AGBL4: variants seen among roughly 807,000 people sequenced by gnomAD.
The protein encoded by AGBL4 is AGBL carboxypeptidase 4, also known as cytosolic carboxypeptidase 6.
AGBL4 carries 58 observed loss-of-function variants against 66.4 expected under a neutral mutation model. The observed-to-expected ratio is 0.87, with a 90% CI of 0.71 to 1.09. The LOEUF (loss-of-function observed/expected upper bound fraction) is 1.09, where lower values mean the gene tolerates loss of function less well. Among genes scored for constraint, AGBL4 ranks in the 50% least tolerant of loss-of-function variants. AGBL4 has a pLI of 0.00. For missense variants in AGBL4, 579 were observed against 631.0 expected (o/e 0.92, Z 0.88); for synonymous variants, 234 against 222.9 (o/e 1.05, Z -0.44).
chr1:49,416,657 G>A (rs942793631), intron 3 of AGBL4, among the ~76,000 whole-genome samples: 1 of 152,018 alleles, frequency 6.6e-6, no homozygotes, highest in Non-Finnish European at 1.5e-5. Context: ...GCTTCTCTGA[G>A]CTCGAATTTC....
chr1:48,763,207 C>T (rs1644364805), intron 6 of AGBL4, among the ~76,000 whole-genome samples: 2 of 152,154 alleles, frequency 1.3e-5, no homozygotes, highest in Admixed American at 6.5e-5. Flanking sequence ...GTTAATAACC[C>T]CTACTGATGA....
At chr1:49,864,773 T>A (rs1646661186) in intron 1 of AGBL4, among the ~76,000 whole-genome samples, 1 of 152,126 alleles carries the variant, frequency 6.6e-6, no homozygotes, top group Non-Finnish European at 1.5e-5. Context: ...AATTATCAAG[T>A]TCCTGGAGAA....
In AGBL4 at chr1:49,390,424, G is replaced by T. The variant is rs377681521; in HGVS notation, c.283-144560C>A. Among the ~76,000 whole-genome samples the T allele has an allele frequency of 3.3e-4, 51 of 152,308 alleles. 1 individual carries two copies. The South Asian group carries it at 9.7e-3, about 29-fold the overall frequency. ...CCTAAGAACAATGGATTACAGGGCT[G>T]CTGGAAAACTTCACTAATAATGAAG... is the stretch of plus-strand genomic sequence containing the variant. On this transcript the variant is annotated intron_variant, in intron 3 of 13. Transcript: ENST00000371839.
chr1:49,033,770 G>A (rs779800487), intron 5 of AGBL4, among the ~76,000 whole-genome samples: 63 of 150,278 alleles, frequency 4.2e-4, no homozygotes, highest in Non-Finnish European at 6.8e-4. Flanking sequence ...ATTATATCAT[G>A]TTCTCCATTC....
chr1:48,549,951 T>G lies in AGBL4; in HGVS notation c.1268-10213A>C, dbSNP rs146447785. 1.5e-4 allele frequency among the ~76,000 whole-genome samples: 23 copies of G among 151,948 alleles called. No individual in the cohort carries two copies. The East Asian group carries it at 4.3e-3, about 28-fold the overall frequency. On this transcript the variant is annotated intron_variant, in intron 11 of 13. Transcript: ENST00000371839. ...TAGAGACAGGAACAGTGAGAGAGAC[T>G]GAGAAGGACTGAGAGAAGAAGGTGG...
At chr1:48,715,868 G>A (rs1473197737) in intron 6 of AGBL4, among the ~76,000 whole-genome samples, 2 of 152,098 alleles carry the variant, frequency 1.3e-5, no homozygotes, top group Non-Finnish European at 2.9e-5. Context: ...TTTGAGCTGT[G>A]CCTCTACTCT....
At chr1:49,453,440 A>G (rs925729005) in intron 3 of AGBL4, among the ~76,000 whole-genome samples, 4 of 151,770 alleles carry the variant, frequency 2.6e-5, no homozygotes, top group Non-Finnish European at 5.9e-5. Flanking sequence ...TTCCAGAAAT[A>G]TTCCTAAATA....
intron 3 of AGBL4, among the ~76,000 whole-genome samples, chr1:49,550,537 CTG>C: frequency 6.6e-6 from 1 of 152,278 alleles, no homozygotes; most frequent in African/African-American, 2.4e-5. Flanking sequence ...CTGAAAAAGA[CTG>C]TATCTTTCCT....
intron 5 of AGBL4, among the ~76,000 whole-genome samples, chr1:49,034,338 T>C (rs1664467683): frequency 6.6e-6 from 1 of 152,126 alleles, no homozygotes; most frequent in African/African-American, 2.4e-5. Flanking sequence ...AAATCTTGTT[T>C]CACATACATG....
chr1:49,578,407 G>A (rs1209596269), intron 3 of AGBL4, among the ~76,000 whole-genome samples: 2 of 151,788 alleles, frequency 1.3e-5, no homozygotes, highest in Admixed American at 1.3e-4. Context: ...ACTCCACCAG[G>A]AAAAAAAACC....
In AGBL4 at chr1:49,028,979, G is replaced by C. The variant is rs555535429; in HGVS notation, c.594+16605C>G. 2.6e-5 allele frequency among the ~76,000 whole-genome samples: 4 copies of C among 152,130 alleles called. No individual in the cohort carries two copies. The South Asian group carries it at 6.2e-4, about 24-fold the overall frequency. On this transcript the variant is annotated intron_variant, in intron 5 of 13. Coordinates refer to ENST00000371839, the MANE Select transcript of AGBL4 (RefSeq NM_032785.4). ...CAATAACCACATGATCATTTCAATAGACACAGAAAAATCATTTGATACAAT... is the reference window on the plus strand; with the variant it reads ...CAATAACCACATGATCATTTCAATACACACAGAAAAATCATTTGATACAAT...
chr1:49,718,761 T>C (rs1648361088), intron 2 of AGBL4, among the ~76,000 whole-genome samples: 1 of 152,090 alleles, frequency 6.6e-6, no homozygotes, highest in Admixed American at 6.6e-5. Flanking sequence ...TTTGTCTGTA[T>C]TTTCTTCTTT....
chr1:49,688,420 T>G (rs1646825964), intron 3 of AGBL4, among the ~76,000 whole-genome samples: 2 of 152,232 alleles, frequency 1.3e-5, no homozygotes, highest in African/African-American at 4.8e-5. Context: ...TCGTTCTTTT[T>G]TATGGCTGAA....
intron 4 of AGBL4, among the ~76,000 whole-genome samples, chr1:49,056,881 A>G (rs1177565514): frequency 6.6e-6 from 1 of 151,924 alleles, no homozygotes; most frequent in Non-Finnish European, 1.5e-5. Flanking sequence ...AATGGTATCA[A>G]TTTTTTTTGG....
chr1:48,937,322 T>C (rs1276514559), intron 5 of AGBL4, among the ~76,000 whole-genome samples: 1 of 152,212 alleles, frequency 6.6e-6, no homozygotes, highest in Non-Finnish European at 1.5e-5. Flanking sequence ...GTGGGAGTTA[T>C]TATTATAATA....
At chr1:48,843,428 T>A (rs11800380) in intron 6 of AGBL4, among the ~76,000 whole-genome samples, 4,094 of 152,228 alleles carry the variant, frequency 0.027, 189 homozygotes, top group African/African-American at 0.093. Context: ...TTGTTTTTAA[T>A]AGAAATCAGC....
chr1:48,727,783 C>G (rs999951604), intron 6 of AGBL4: 4 of 1,161,020 alleles, frequency 3.4e-6, no homozygotes, highest in Non-Finnish European at 5.0e-6. Flanking sequence ...GATCCCTGCA[C>G]ACACACCACC....
At chr1:48,609,808 C>G (rs1038308160) in intron 9 of AGBL4, among the ~76,000 whole-genome samples, 6 of 152,170 alleles carry the variant, frequency 3.9e-5, no homozygotes, top group African/African-American at 1.4e-4. Flanking sequence ...CTGGCCAACT[C>G]CTATTTATCC....
chr1:49,949,809 CTAAAAG>C (rs1557611242), intron 1 of AGBL4, among the ~76,000 whole-genome samples: 1 of 151,464 alleles, frequency 6.6e-6, no homozygotes, highest in Non-Finnish European at 1.5e-5. Context: ...CCTTAAAGAA[CTAAAAG>C]TAAAACTACC....
Sources: allele counts gnomAD v4.1 joint callset (sites outside exome capture counted in the v4.1 genomes callset), GRCh38; gene constraint gnomAD v4.1.1; transcripts MANE v1.5; gene names NCBI Gene and HGNC (gene_info 2026-07-23, HGNC 2026-07-21).